The following PRR29 variants were observed in gnomAD, a reference collection of about 807,000 sequenced individuals.
PRR29 encodes proline-rich protein 29.
In PRR29, 20 loss-of-function variants were observed where a neutral mutation model predicts 25.1. That is an observed-to-expected ratio of 0.80 (90% CI 0.56 to 1.16). The LOEUF (loss-of-function observed/expected upper bound fraction) is 1.16, where lower values mean the gene tolerates loss of function less well. PRR29 is among the 50% of genes most tolerant of loss of function. The pLI is 0.00. For missense variants in PRR29, 238 were observed against 246.6 expected (o/e 0.97, Z 0.23); for synonymous variants, 108 against 102.6 (o/e 1.05, Z -0.32).
chr17:64,001,527 C>G lies in PRR29; in HGVS notation c.531C>G (p.Pro177=). 1 of 1,517,800 alleles carries G rather than the reference C, an allele frequency of 6.6e-7. No individual in the cohort carries two copies. Among genetic ancestry groups the G allele is most frequent in the African/African-American group, 1.4e-5 (1 of 72,368 alleles). 94.0% of individuals were successfully genotyped at this position (1,517,800 alleles called of 1,614,324 possible). A position where few individuals can be genotyped will look rare whatever the true frequency, so the allele number is the denominator to read the frequency against. The change falls in exon 5 of 6, where the codon CCC becomes CCG. Residue 177 remains proline (P), a synonymous_variant. Transcript: ENST00000412177. ...CAGGGACTGTGGGTGCTGATGTACCCCCGGCTTCAGGTAGGGCTGGGGTGG... is the reference window on the plus strand; with the variant it reads ...CAGGGACTGTGGGTGCTGATGTACCGCCGGCTTCAGGTAGGGCTGGGGTGG... ...SATGTVGADV[P]PASDYYDAES...
intron 3 of PRR29, among the ~76,000 whole-genome samples, chr17:64,000,491 G>A (rs12939133): frequency 0.42 from 62,197 of 148,302 alleles, 12,927 homozygotes; most frequent in South Asian, 0.56. Context: ...CACCACACCC[G>A]GCTACTTTTT....
Position 64,003,421 on chromosome 17 carries a change from G to A in PRR29, c.*1660G>A. 1 of 573,868 alleles carries A rather than the reference G, an allele frequency of 1.7e-6. No individual in the cohort carries two copies. The highest frequency in any genetic ancestry group is 3.1e-6 in the Non-Finnish European group (1 of 321,986). 35.5% of individuals were successfully genotyped at this position (573,868 alleles called of 1,614,324 possible). On this transcript the variant is annotated 3_prime_UTR_variant, in exon 6 of 6. Coordinates refer to ENST00000412177, the MANE Select transcript of PRR29 (RefSeq NM_001164257.2). Reference sequence around the variant, plus strand: ...GCCGTCAAGGTCATGGGGCTTGATGGTGGCCGAGGAACTAGTTGACCTCTC... The same window carrying A: ...GCCGTCAAGGTCATGGGGCTTGATGATGGCCGAGGAACTAGTTGACCTCTC...
chr17:64,004,149 T>G lies in PRR29; in HGVS notation c.*2388T>G. The G allele has an allele frequency of 1.7e-6, 1 of 574,724 alleles. No homozygotes were observed. Among genetic ancestry groups the G allele is most frequent in the Non-Finnish European group, 3.1e-6 (1 of 323,460 alleles). The allele number at this position is 574,724 out of a possible 1,614,324, so 35.6% of individuals were successfully genotyped here. ...ATGGAGGCTGGACTGTGTGGTAGTTTTACAGACATGATGGTTTCCGGTGAC... is the reference window on the plus strand; with the variant it reads ...ATGGAGGCTGGACTGTGTGGTAGTTGTACAGACATGATGGTTTCCGGTGAC... On this transcript the variant is annotated 3_prime_UTR_variant, in exon 6 of 6. Transcript: ENST00000412177.
Position 64,001,242 on chromosome 17 carries a change from T to C in PRR29, c.402T>C (p.Pro134=), listed in dbSNP as rs999089859. 1 of 1,537,302 alleles carries C rather than the reference T, an allele frequency of 6.5e-7. No homozygotes were observed. ...LPWPAPFFPT[P]ACQPYLQDVP... ...GGCCAGCCCCCTTCTTCCCCACCCC[T>C]GCTTGTCAGCCCTACTTGCAGGACG... The change falls in exon 4 of 6, where the codon CCT becomes CCC. Residue 134 remains proline (P), a synonymous_variant. Coordinates refer to ENST00000412177, the MANE Select transcript of PRR29 (RefSeq NM_001164257.2).
intron 3 of PRR29, 69 bp downstream of exon 3, chr17:63,999,143 T>C (rs1910381259): frequency 8.2e-6 from 10 of 1,218,172 alleles, no homozygotes; most frequent in Non-Finnish European, 1.0e-5. Flanking sequence ...CTGGGGTTCC[T>C]GTTCAGGGGG....
chr17:64,002,522 G>T lies in PRR29; in HGVS notation c.*761G>T. Reference sequence around the variant, plus strand: ...GAGGGTGGGGAGGGAGGCATCTAGGGAGAGGGGTCCCCCATGGTGGCTCCC... The same window carrying T: ...GAGGGTGGGGAGGGAGGCATCTAGGTAGAGGGGTCCCCCATGGTGGCTCCC... On this transcript the variant is annotated 3_prime_UTR_variant, in exon 6 of 6. Transcript: ENST00000412177. The T allele has an allele frequency of 1.8e-6, 1 of 562,626 alleles. No homozygotes were observed. Among genetic ancestry groups the T allele is most frequent in the Non-Finnish European group, 3.2e-6 (1 of 315,182 alleles). 34.9% of individuals were successfully genotyped at this position (562,626 alleles called of 1,614,324 possible).
intron 3 of PRR29, among the ~76,000 whole-genome samples, chr17:64,000,124 T>C (rs1272609246): frequency 2.6e-5 from 4 of 152,110 alleles, no homozygotes; most frequent in Non-Finnish European, 5.9e-5. Flanking sequence ...TCCTCAGTGA[T>C]GACACATAGG....
chr17:63,998,852 C>A (rs1910337697), intron 2 of PRR29, 70 bp downstream of exon 2: 2 of 961,896 alleles, frequency 2.1e-6, no homozygotes, highest in East Asian at 8.6e-5. Context: ...CCTCGCACAT[C>A]CTCTGGGAGT....
chr17:63,999,890 GCAA>G (rs1910505301), intron 3 of PRR29: 1 of 153,642 alleles, frequency 6.5e-6, no homozygotes, highest in African/African-American at 2.4e-5. Context: ...GTGCGTGCAA[GCAA>G]GTGTGTGCAA....
chr17:64,002,876 C>G lies in PRR29; in HGVS notation c.*1115C>G. On this transcript the variant is annotated 3_prime_UTR_variant, in exon 6 of 6. Coordinates refer to ENST00000412177, the MANE Select transcript of PRR29 (RefSeq NM_001164257.2). ...CAGATGTCACGAACAGGGACAGCAACACCGACACCACCGTGACTATGATGA... is the reference window on the plus strand; with the variant it reads ...CAGATGTCACGAACAGGGACAGCAAGACCGACACCACCGTGACTATGATGA... The G allele has an allele frequency of 6.2e-7, 1 of 1,613,912 alleles. No individual in the cohort carries two copies. The highest frequency in any genetic ancestry group is 8.5e-7 in the Non-Finnish European group (1 of 1,179,966).
chr17:64,001,325 G>C lies in PRR29; in HGVS notation c.470+15G>C, dbSNP rs1598010200. On this transcript the variant is annotated intron_variant, in intron 4 of 5. Coordinates refer to ENST00000412177, the MANE Select transcript of PRR29 (RefSeq NM_001164257.2). ...GAAAGGGAGGTGTAAGTGAGGCTGGGTGCTGCCAGGGTTCTGCTCTGGGCT... is the reference window on the plus strand; with the variant it reads ...GAAAGGGAGGTGTAAGTGAGGCTGGCTGCTGCCAGGGTTCTGCTCTGGGCT... 1.0e-5 allele frequency: 16 copies of C among 1,530,994 alleles called. No individual in the cohort carries two copies. The East Asian group carries it at 3.9e-4, about 38-fold the overall frequency. 94.8% of individuals were successfully genotyped at this position (1,530,994 alleles called of 1,614,324 possible). A position where few individuals can be genotyped will look rare whatever the true frequency, so the allele number is the denominator to read the frequency against.
chr17:64,002,638 A>G lies in PRR29; in HGVS notation c.*877A>G. 6.1e-6 allele frequency: 6 copies of G among 985,786 alleles called. No individual in the cohort carries two copies. The highest frequency in any genetic ancestry group is 9.0e-6 in the Non-Finnish European group (6 of 666,526). 61.1% of individuals were successfully genotyped at this position (985,786 alleles called of 1,614,324 possible). ...TTCGGGCTAGAAAAGGCAATGTCCC[A>G]AGTCTCTGCTGCCTGTCACAGTCCT... is the stretch of plus-strand genomic sequence containing the variant. On this transcript the variant is annotated 3_prime_UTR_variant, in exon 6 of 6. Transcript: ENST00000412177.
In PRR29 at chr17:63,998,797, T is replaced by TTGC; in HGVS notation, c.136+15_136+16insTGC. ...CGTGAAGGAAGGTGAGACTCCCGGG[T>TTGC]CCCCCCACCCCACCCCCACCATCAC... On this transcript the variant is annotated intron_variant, in intron 2 of 5. Transcript: ENST00000412177. 3 of 1,062,600 alleles carry TTGC rather than the reference T, an allele frequency of 2.8e-6. No homozygotes were observed. Among genetic ancestry groups the TTGC allele is most frequent in the Non-Finnish European group, 3.9e-6 (3 of 761,700 alleles). 65.8% of individuals were successfully genotyped at this position (1,062,600 alleles called of 1,614,324 possible). A position where few individuals can be genotyped will look rare whatever the true frequency, so the allele number is the denominator to read the frequency against.
At position 64,003,999 on chromosome 17, in the gene PRR29, TG is replaced by T. The variant is rs781277327; in HGVS notation, c.*2243del. On this transcript the variant is annotated 3_prime_UTR_variant, in exon 6 of 6. Coordinates refer to ENST00000412177, the MANE Select transcript of PRR29 (RefSeq NM_001164257.2). ...ACAAAGGAGGGAGGTCTGGTCAGGA[TG>T]GGGGTGCAGTCCCAGCAGCCTCCCC... 2 of 1,511,420 alleles carry T rather than the reference TG, an allele frequency of 1.3e-6. No homozygotes were observed. The highest frequency in any genetic ancestry group is 1.2e-5 in the South Asian group (1 of 83,246). 93.6% of individuals were successfully genotyped at this position (1,511,420 alleles called of 1,614,324 possible).
In PRR29 at chr17:64,004,298, C is replaced by T. The variant is rs775409656; in HGVS notation, c.*2537C>T. The T allele has an allele frequency of 3.9e-5, 11 of 281,078 alleles. No homozygotes were observed. The highest frequency in any genetic ancestry group is 7.5e-5 in the Non-Finnish European group (11 of 146,656). 17.4% of individuals were successfully genotyped at this position (281,078 alleles called of 1,614,324 possible). ...TTCAAACATTAAACAGTTGGGTGAT[C>T]ACGTTGAGAGAGACTTAGATGGGCA... On this transcript the variant is annotated 3_prime_UTR_variant, in exon 6 of 6. Transcript: ENST00000412177.
chr17:63,999,138 G>A, intron 3 of PRR29, 64 bp downstream of exon 3: 1 of 1,287,734 alleles, frequency 7.8e-7, no homozygotes, highest in Middle Eastern at 2.2e-4. Flanking sequence ...TCCACCTGGG[G>A]TTCCTGTTCA....
At position 64,002,817 on chromosome 17, in the gene PRR29, C is replaced by T. The variant is rs201009410; in HGVS notation, c.*1056C>T. On this transcript the variant is annotated 3_prime_UTR_variant, in exon 6 of 6. Coordinates refer to ENST00000412177, the MANE Select transcript of PRR29 (RefSeq NM_001164257.2). ...CCCGTAGGTGCCCATCCGCTGCTGG[C>T]GCAAGTGCTGGCCGAAGATGAAGCA... 126 of 1,613,778 alleles carry T rather than the reference C, an allele frequency of 7.8e-5. No individual in the cohort carries two copies. The highest frequency in any genetic ancestry group is 9.2e-5 in the Non-Finnish European group (108 of 1,180,006).
chr17:63,998,721 C>T lies in PRR29; in HGVS notation c.75C>T (p.Phe25=). Residue 25 remains phenylalanine, a synonymous_variant, in exon 2 of 6, where the codon TTC becomes TTT. Transcript: ENST00000412177. ...QSAVPTPWVT[F]LQPLSWAVPP... ...CACACCCCCAGCCCTGGGTCACCTT[C>T]CTGCAGCCCCTCTCGTGGGCCGTCC... The T allele has an allele frequency of 3.3e-6, 5 of 1,527,178 alleles. No homozygotes were observed. Among genetic ancestry groups the T allele is most frequent in the Non-Finnish European group, 4.4e-6 (5 of 1,142,614 alleles). The allele number at this position is 1,527,178 out of a possible 1,614,324, so 94.6% of individuals were successfully genotyped here.
chr17:64,003,487 A>C lies in PRR29; in HGVS notation c.*1726A>C, dbSNP rs551996141. The C allele has an allele frequency of 5.7e-6, 4 of 703,176 alleles. No individual in the cohort carries two copies. The highest frequency in any genetic ancestry group is 3.7e-5 in the South Asian group (2 of 53,604). The allele number at this position is 703,176 out of a possible 1,614,324, so 43.6% of individuals were successfully genotyped here. A position where few individuals can be genotyped will look rare whatever the true frequency, so the allele number is the denominator to read the frequency against. Reference sequence around the variant, plus strand: ...GTTGAGGTCCAAGCTGGGGACTTGGAAAGAACTTCAGGGAAGAGGGAGAGT... The same window carrying C: ...GTTGAGGTCCAAGCTGGGGACTTGGCAAGAACTTCAGGGAAGAGGGAGAGT... On this transcript the variant is annotated 3_prime_UTR_variant, in exon 6 of 6. Coordinates refer to ENST00000412177, the MANE Select transcript of PRR29 (RefSeq NM_001164257.2).
Sources: allele counts gnomAD v4.1 joint callset (sites outside exome capture counted in the v4.1 genomes callset), GRCh38; gene constraint gnomAD v4.1.1; transcripts MANE v1.5; gene names NCBI Gene and HGNC (gene_info 2026-07-23, HGNC 2026-07-21).